The following RNLS variants were observed in gnomAD, a reference collection of about 807,000 sequenced individuals.
RNLS encodes the protein renalase.
RNLS carries 39 observed loss-of-function variants against 39.8 expected under a neutral mutation model. The ratio of observed to expected loss-of-function variants is 0.98; its 90% confidence interval spans 0.76 to 1.28. The LOEUF (loss-of-function observed/expected upper bound fraction) is 1.28, where lower values mean the gene tolerates loss of function less well. RNLS is among the 50% of genes most tolerant of loss of function. The pLI is 0.00. For missense variants in RNLS, 410 were observed against 413.3 expected, an observed-to-expected ratio of 0.99 and a Z score of 0.07; for synonymous variants, 147 against 150.7, an observed-to-expected ratio of 0.98 and a Z score of 0.18.
exon 7 of RNLS, chr10:88,274,935 G>C (rs934870942): frequency 1.3e-6 from 2 of 1,577,852 alleles, no homozygotes; most frequent in African/African-American, 2.7e-5. Context: ...AATAAAACCT[G>C]ACTGTGTGCT....
chr10:88,372,094 T>C (rs781367021), intron 4 of RNLS, among the ~76,000 whole-genome samples: 21 of 152,270 alleles, frequency 1.4e-4, no homozygotes, highest in East Asian at 9.6e-4. Flanking sequence ...ACAAGGCATT[T>C]TTTTAGAAGC....
intron 4 of RNLS, among the ~76,000 whole-genome samples, chr10:88,429,656 A>G (rs1855021589): frequency 1.3e-5 from 2 of 151,844 alleles, no homozygotes; most frequent in Non-Finnish European, 2.9e-5. Context: ...TAGGTTTTAT[A>G]TTTAGGCCTG....
chr10:88,415,475 C>CT (rs370899411), intron 4 of RNLS, among the ~76,000 whole-genome samples: 1 of 152,134 alleles, frequency 6.6e-6, no homozygotes, highest in African/African-American at 2.4e-5. Context: ...TTTTAAATGA[C>CT]TTTTTTCCCC....
At chr10:88,467,555 C>T (rs562660113) in intron 4 of RNLS, among the ~76,000 whole-genome samples, 1 of 152,204 alleles carries the variant, frequency 6.6e-6, no homozygotes, top group South Asian at 2.1e-4. Flanking sequence ...TCAATGACTA[C>T]AGAATTTAGC....
intron 6 of RNLS, among the ~76,000 whole-genome samples, chr10:88,275,262 T>TA (rs922915837): frequency 2.6e-5 from 4 of 152,190 alleles, no homozygotes; most frequent in African/African-American, 9.6e-5. Context: ...ATTTCAGTTA[T>TA]AAAAAATTCT....
the RNLS span, among the ~76,000 whole-genome samples, chr10:88,193,797 T>A: frequency 6.6e-6 from 1 of 152,202 alleles, no homozygotes; most frequent in Non-Finnish European, 1.5e-5. Flanking sequence ...GTGCTGTTTT[T>A]ATCTATGTCC....
intron 4 of RNLS, among the ~76,000 whole-genome samples, chr10:88,542,577 C>T (rs991494572): frequency 2.0e-5 from 3 of 152,044 alleles, no homozygotes; most frequent in Admixed American, 6.6e-5. Flanking sequence ...GATTCGATTG[C>T]TAGGAAGAGA....
chr10:88,404,291 T>A (rs1371045466), intron 4 of RNLS, among the ~76,000 whole-genome samples: 3 of 152,124 alleles, frequency 2.0e-5, no homozygotes, highest in African/African-American at 7.2e-5. Flanking sequence ...TTGGTTTCAA[T>A]CCTGCCTCTG....
At chr10:88,203,223 AGTGTGT>A in the RNLS span, among the ~76,000 whole-genome samples, 3,875 of 11,104 alleles carry the variant, frequency 0.35, 861 homozygotes, top group African/African-American at 0.42. Context: ...GATAGCAAAA[AGTGTGT>A]GTGTGTGTGT....
Position 88,524,960 on chromosome 10 carries a change from CATATATATATATATATAT to C in RNLS, c.526+47925_526+47942del, listed in dbSNP as rs772272529. On this transcript the variant is annotated intron_variant, in intron 4 of 6. Coordinates refer to ENST00000331772, the MANE Select transcript of RNLS (RefSeq NM_001031709.3). ...TATATATATATATGGCACACACATA[CATATATATATATATATAT>C]ATATATATATATATATATATACACA... Among the ~76,000 whole-genome samples the C allele has an allele frequency of 9.0e-5, 8 of 88,968 alleles. No homozygotes were observed. In the East Asian group the frequency reaches 2.1e-3, roughly 24 times the overall value. The allele number at this position is 88,968 out of a possible 152,430, so 58.4% of individuals were successfully genotyped here.
chr10:88,509,437 TA>T (rs1314746966), intron 4 of RNLS, among the ~76,000 whole-genome samples: 2 of 90,278 alleles, frequency 2.2e-5, no homozygotes, highest in Admixed American at 3.7e-4. Context: ...AGAAAGGAAA[TA>T]AGAGAGAGAG....
At chr10:88,505,875 GA>G (rs1259608398) in intron 4 of RNLS, among the ~76,000 whole-genome samples, 2 of 152,132 alleles carry the variant, frequency 1.3e-5, no homozygotes, top group Admixed American at 6.6e-5. Context: ...TTATCAGTGT[GA>G]AAAATGTGAA....
chr10:88,446,829 T>C (rs1240100862), intron 4 of RNLS, among the ~76,000 whole-genome samples: 1 of 152,188 alleles, frequency 6.6e-6, no homozygotes, highest in Non-Finnish European at 1.5e-5. Flanking sequence ...TCAAGTGGGC[T>C]TCACCCCTGA....
At chr10:88,514,103 C>T (rs2134166651) in intron 4 of RNLS, among the ~76,000 whole-genome samples, 1 of 151,246 alleles carries the variant, frequency 6.6e-6, no homozygotes, top group South Asian at 2.1e-4. Context: ...AAACAACTGC[C>T]CGAGACTGGG....
chr10:88,196,930 C>T, the RNLS span, among the ~76,000 whole-genome samples: 3 of 152,204 alleles, frequency 2.0e-5, no homozygotes, highest in Non-Finnish European at 2.9e-5. Context: ...TTTCCAAATG[C>T]TGCAAGAGCT....
chr10:88,186,626 G>A, the RNLS span, among the ~76,000 whole-genome samples: 1 of 152,064 alleles, frequency 6.6e-6, no homozygotes, highest in Non-Finnish European at 1.5e-5. Context: ...GCAATTGAAT[G>A]CATATTTAAG....
intron 4 of RNLS, among the ~76,000 whole-genome samples, chr10:88,485,667 T>C (rs947316564): frequency 4.1e-5 from 6 of 146,734 alleles, no homozygotes; most frequent in Non-Finnish European, 7.5e-5. Flanking sequence ...AAAACGAATA[T>C]GAGCCATTTG....
rs938214502 is a variant in RNLS, at chr10:88,285,060, T to A, written c.*294A>T. On this transcript the variant is annotated 3_prime_UTR_variant, in exon 7 of 7. Transcript: ENST00000331772. ...AAACTGTTATTGTGATTTAATGTAA[T>A]TTTTTTGAGAGAGTCGTTTGTTATT... is the stretch of plus-strand genomic sequence containing the variant. The A allele has an allele frequency of 1.1e-5, 11 of 1,010,144 alleles. No individual in the cohort carries two copies. The highest frequency in any genetic ancestry group is 1.3e-5 in the Non-Finnish European group (11 of 845,034). 62.6% of individuals were successfully genotyped at this position (1,010,144 alleles called of 1,614,324 possible).
chr10:88,488,179 A>G (rs1241218376), intron 4 of RNLS, among the ~76,000 whole-genome samples: 1 of 152,148 alleles, frequency 6.6e-6, no homozygotes, highest in Non-Finnish European at 1.5e-5. Context: ...TATACATAAT[A>G]TAAAACATTA....
Sources: gnomAD v4.1 joint callset for allele counts (sites outside exome capture counted in the v4.1 genomes callset) on GRCh38, gnomAD v4.1.1 for gene constraint, MANE v1.5 for transcripts, NCBI Gene and HGNC (gene_info 2026-07-23, HGNC 2026-07-21) for gene names.